Variants in PDE4D observed in about 807,000 individuals in gnomAD.
PDE4D encodes 3',5'-cyclic-AMP phosphodiesterase 4D.
A neutral mutation model predicts 87.4 loss-of-function variants in PDE4D; 24 were observed. That is an observed-to-expected ratio of 0.27 (90% CI 0.20 to 0.39). PDE4D has a LOEUF of 0.39. Among genes scored for constraint, PDE4D ranks in the 10% least tolerant of loss-of-function variants. The pLI, the probability that PDE4D is intolerant of heterozygous loss-of-function variation, is 1.00. For synonymous variants in PDE4D, 384 were observed against 383.2 expected (o/e 1.00, Z -0.02); for missense variants, 714 against 1,041.0 (o/e 0.69, Z 4.32).
chr5:59,753,126 G>A (rs1258835235), intron 1 of PDE4D, among the ~76,000 whole-genome samples: 2 of 152,140 alleles, frequency 1.3e-5, no homozygotes, highest in African/African-American at 2.4e-5. Flanking sequence ...CTCTGCTATA[G>A]ATAGTGGACA....
intron 1 of PDE4D, among the ~76,000 whole-genome samples, chr5:60,412,201 C>G (rs1322295379): frequency 6.6e-6 from 1 of 152,104 alleles, no homozygotes; most frequent in Non-Finnish European, 1.5e-5. Context: ...AAAATGTTAT[C>G]TCCACTATTC....
intron 1 of PDE4D, among the ~76,000 whole-genome samples, chr5:60,372,158 A>G (rs552008006): frequency 6.6e-6 from 1 of 152,152 alleles, no homozygotes; most frequent in Non-Finnish European, 1.5e-5. Context: ...TATTTTAGCC[A>G]TCCTGATGGA....
chr5:59,073,513 G>GT (rs1211352273), intron 5 of PDE4D, among the ~76,000 whole-genome samples: 1 of 137,180 alleles, frequency 7.3e-6, no homozygotes, highest in Admixed American at 7.5e-5. Context: ...GGGGCGGGGG[G>GT]GGCGGGTGGT....
intron 1 of PDE4D, among the ~76,000 whole-genome samples, chr5:59,392,945 A>G (rs945812038): frequency 1.3e-5 from 2 of 152,176 alleles, no homozygotes; most frequent in African/African-American, 4.8e-5. Context: ...ATGAGGACCT[A>G]TGTGATGTGA....
At chr5:59,578,589 C>A (rs1286298574) in intron 1 of PDE4D, among the ~76,000 whole-genome samples, 3 of 152,116 alleles carry the variant, frequency 2.0e-5, no homozygotes, top group African/African-American at 7.2e-5. Flanking sequence ...CTTGTACTCT[C>A]TCTTCAATAA....
chr5:59,953,937 G>GT (rs1281469865), intron 3 of PDE4D, among the ~76,000 whole-genome samples: 2 of 152,040 alleles, frequency 1.3e-5, no homozygotes, highest in African/African-American at 4.8e-5. Context: ...GTTTTGTTTT[G>GT]TTTTTGAGAC....
At chr5:59,678,884 A>C (rs1245530901) in intron 1 of PDE4D, among the ~76,000 whole-genome samples, 1 of 152,198 alleles carries the variant, frequency 6.6e-6, no homozygotes, top group Non-Finnish European at 1.5e-5. Flanking sequence ...AGGCATTGTT[A>C]TATGCATATT....
intron 3 of PDE4D, among the ~76,000 whole-genome samples, chr5:59,911,723 T>C (rs551310180): frequency 1.3e-5 from 2 of 152,308 alleles, no homozygotes; most frequent in South Asian, 4.1e-4. Flanking sequence ...TTAAACACTT[T>C]AAAGCAATTA....
chr5:60,252,435 A>T, intron 1 of PDE4D, among the ~76,000 whole-genome samples: 1 of 148,472 alleles, frequency 6.7e-6, no homozygotes. Context: ...TTAGCTATAG[A>T]CTCACTCCAG....
At chr5:60,149,260 C>T (rs1189805268) in intron 2 of PDE4D, among the ~76,000 whole-genome samples, 3 of 152,054 alleles carry the variant, frequency 2.0e-5, no homozygotes, top group African/African-American at 7.2e-5. Context: ...GCTGTGAAGG[C>T]CAAGAGCATG....
At chr5:59,947,515 G>GAT (rs1305394213) in intron 3 of PDE4D, among the ~76,000 whole-genome samples, 2 of 152,176 alleles carry the variant, frequency 1.3e-5, no homozygotes, top group Non-Finnish European at 2.9e-5. Flanking sequence ...AGACTTCCCA[G>GAT]ATGCTCCCTT....
At chr5:59,394,061 G>A (rs1176525472) in intron 1 of PDE4D, among the ~76,000 whole-genome samples, 2 of 152,178 alleles carry the variant, frequency 1.3e-5, no homozygotes, top group African/African-American at 4.8e-5. Context: ...GTCATCAGGT[G>A]TTTTCCACCT....
At chr5:60,209,941 T>A (rs1742996983) in intron 1 of PDE4D, among the ~76,000 whole-genome samples, 1 of 152,194 alleles carries the variant, frequency 6.6e-6, no homozygotes, top group African/African-American at 2.4e-5. Context: ...TACTTATTTT[T>A]AAGTAATTAC....
chr5:59,496,640 C>T (rs1171898646), intron 1 of PDE4D, among the ~76,000 whole-genome samples: 1 of 152,118 alleles, frequency 6.6e-6, no homozygotes, highest in East Asian at 1.9e-4. Flanking sequence ...GGGATGTAGC[C>T]GGCTAAAGCC....
intron 5 of PDE4D, among the ~76,000 whole-genome samples, chr5:59,084,829 A>T (rs540258699): frequency 7.9e-5 from 12 of 152,266 alleles, no homozygotes; most frequent in African/African-American, 2.9e-4. Context: ...GACACACAAA[A>T]CAGATTTTAA....
intron 1 of PDE4D, among the ~76,000 whole-genome samples, chr5:60,334,621 G>GGTA (rs577677173): frequency 6.5e-4 from 98 of 151,886 alleles, no homozygotes; most frequent in African/African-American, 2.3e-3. Context: ...TCCCATTGTG[G>GGTA]GTAGTATTTC....
chr5:59,824,349 C>T (rs1435593925), intron 1 of PDE4D, among the ~76,000 whole-genome samples: 1 of 152,202 alleles, frequency 6.6e-6, no homozygotes, highest in Non-Finnish European at 1.5e-5. Context: ...CATCACGACA[C>T]ATGCTGGTGG....
chr5:59,244,725 T>G (rs1315783161), intron 1 of PDE4D, among the ~76,000 whole-genome samples: 13 of 130,292 alleles, frequency 1.0e-4, no homozygotes, highest in East Asian at 2.2e-4. Flanking sequence ...TGTGTGTGTA[T>G]AGAGAGACCG....
chr5:59,397,421 G>A lies in PDE4D; in HGVS notation c.456-181453C>T, dbSNP rs2153612107. On this transcript the variant is annotated intron_variant, in intron 1 of 14. Transcript: ENST00000340635. ...CAATCAAATTAGAACTCAGGATTAA[G>A]AATCTCACTCAAAACCGCTCAACTA... is the stretch of plus-strand genomic sequence containing the variant. Among the ~76,000 whole-genome samples the A allele has an allele frequency of 2.5e-5, 3 of 119,174 alleles. 1 individual carries two copies. In the East Asian group the frequency reaches 8.1e-4, roughly 32 times the overall value. The allele number at this position is 119,174 out of a possible 152,430, so 78.2% of individuals were successfully genotyped here. A position where few individuals can be genotyped will look rare whatever the true frequency, so the allele number is the denominator to read the frequency against.
Sources: allele counts gnomAD v4.1 joint callset (sites outside exome capture counted in the v4.1 genomes callset), GRCh38; gene constraint gnomAD v4.1.1; transcripts MANE v1.5; gene names NCBI Gene and HGNC (gene_info 2026-07-23, HGNC 2026-07-21).